Variants in CA12 observed in about 807,000 individuals in gnomAD.
CA12 encodes the protein carbonate dehydratase XII.
Under a neutral mutation model 46.8 loss-of-function variants are expected in CA12, and 36 were observed. The ratio of observed to expected loss-of-function variants is 0.77; its 90% confidence interval spans 0.59 to 1.02. The LOEUF (loss-of-function observed/expected upper bound fraction) is 1.02, where lower values mean the gene tolerates loss of function less well. CA12 is among the 50% of genes least tolerant of loss of function. The probability of loss-of-function intolerance (pLI) is 0.00; values close to 1 mark genes in which losing one functional copy is unlikely to be tolerated. For synonymous variants in CA12, 202 were observed against 187.0 expected (o/e 1.08, Z -0.65); for missense variants, 436 against 451.4 (o/e 0.97, Z 0.31).
In CA12 at chr15:63,345,358, C is replaced by A; in HGVS notation, c.429+119G>T. On this transcript the variant is annotated intron_variant, in intron 4 of 10. Transcript: ENST00000178638. The surrounding 1 kb of genome is among the most constrained non-coding windows in gnomAD (Gnocchi z 4.3). ...CCTTGTGCCAGGGCCAGAGGTGGGGCAGAGAGCCTGAAGGCAGCCTGTCCC... is the reference window on the plus strand; with the variant it reads ...CCTTGTGCCAGGGCCAGAGGTGGGGAAGAGAGCCTGAAGGCAGCCTGTCCC... The A allele has an allele frequency of 1.5e-6, 2 of 1,318,428 alleles. No homozygotes were observed. The highest frequency in any genetic ancestry group is 2.1e-6 in the Non-Finnish European group (2 of 947,762). The allele number at this position is 1,318,428 out of a possible 1,614,324, so 81.7% of individuals were successfully genotyped here.
chr15:63,349,624 G>T (rs920950156), intron 2 of CA12, among the ~76,000 whole-genome samples: 3 of 152,158 alleles, frequency 2.0e-5, no homozygotes, highest in African/African-American at 7.2e-5. Context: ...ACCATTTTAT[G>T]GGTGAAAAAT....
chr15:63,335,309 G>T (rs1271481708), intron 8 of CA12, among the ~76,000 whole-genome samples: 1 of 152,136 alleles, frequency 6.6e-6, no homozygotes, highest in East Asian at 1.9e-4. Flanking sequence ...CTTAAGGACA[G>T]AAATCAGGTC....
rs943653601 is a variant in CA12, at chr15:63,322,962, T to C, written c.*3323A>G. ...ATGCTTTTCTAAATAAGGCAAACAA[T>C]GATGGTACCTATTTTATAACCTTTA... On this transcript the variant is annotated 3_prime_UTR_variant, in exon 11 of 11. Transcript: ENST00000178638. The surrounding 1 kb of genome is among the most constrained non-coding windows in gnomAD (Gnocchi z 4.1). 1 of 152,250 alleles carries C rather than the reference T, an allele frequency of 6.6e-6. No individual in the cohort carries two copies. The highest frequency in any genetic ancestry group is 2.4e-5 in the African/African-American group (1 of 41,470). 9.4% of individuals were successfully genotyped at this position (152,250 alleles called of 1,614,324 possible).
chr15:63,337,651 T>G (rs1390385498), intron 8 of CA12, among the ~76,000 whole-genome samples: 2 of 152,154 alleles, frequency 1.3e-5, no homozygotes, highest in Non-Finnish European at 2.9e-5. Context: ...GAGACGTGGT[T>G]TCACCATGTT....
chr15:63,354,357 A>C (rs576367511), intron 2 of CA12, among the ~76,000 whole-genome samples: 2 of 152,350 alleles, frequency 1.3e-5, no homozygotes, highest in African/African-American at 4.8e-5. Context: ...TAGATCAATA[A>C]AAATAAACAC....
In CA12 at chr15:63,346,625, A is replaced by G. The variant is rs1567046272; in HGVS notation, c.191T>C (p.Ile64Thr). The change falls in exon 3 of 11, where the codon ATC becomes ACC. Residue 64 changes from isoleucine to threonine, a missense_variant. By Grantham distance (89) the Ile-to-Thr change is moderately conservative. Coordinates refer to ENST00000178638, the MANE Select transcript of CA12 (RefSeq NM_001218.5). ...LQSPIDLHSDILQYDASLTPL... is the reference protein window; with the variant it reads ...LQSPIDLHSDTLQYDASLTPL... ...CGTGAGGCTGGCGTCATACTGGAGG[A>G]TGTCACTGTGCAGGTCTATGGGGGA... 2 of 1,572,558 alleles carry G rather than the reference A, an allele frequency of 1.3e-6. No homozygotes were observed. Among genetic ancestry groups the G allele is most frequent in the Admixed American group, 1.7e-5 (1 of 58,582 alleles).
At position 63,372,385 on chromosome 15, in the gene CA12, G is replaced by A. The variant is rs1241276026; in HGVS notation, c.106+3273C>T. Reference sequence around the variant, plus strand: ...AAGAGGTGGCGCTGGCCCCATCTTGGCAGTCAGATGGTCCTCCTCTCTCCA... The same window carrying A: ...AAGAGGTGGCGCTGGCCCCATCTTGACAGTCAGATGGTCCTCCTCTCTCCA... On this transcript the variant is annotated intron_variant, in intron 2 of 10. Transcript: ENST00000178638. The surrounding 1 kb of genome is among the most constrained non-coding windows in gnomAD (Gnocchi z 4.5). Among the ~76,000 whole-genome samples the A allele has an allele frequency of 3.9e-5, 6 of 152,224 alleles. No individual in the cohort carries two copies. The highest frequency in any genetic ancestry group is 2.0e-4 in the Admixed American group (3 of 15,288).
chr15:63,352,213 G>A (rs1382963981), intron 2 of CA12, among the ~76,000 whole-genome samples: 2 of 152,080 alleles, frequency 1.3e-5, no homozygotes, highest in Non-Finnish European at 2.9e-5. Context: ...GTGCCTCCAC[G>A]CCCAGCTAAT....
chr15:63,344,202 GA>G (rs1409140961), intron 4 of CA12, among the ~76,000 whole-genome samples: 1 of 152,146 alleles, frequency 6.6e-6, no homozygotes. Flanking sequence ...TCTCACATGT[GA>G]ACGGCTGATC....
chr15:63,325,337 T>C lies in CA12; in HGVS notation c.*948A>G, dbSNP rs2038851563. On this transcript the variant is annotated 3_prime_UTR_variant, in exon 11 of 11. Transcript: ENST00000178638. This position sits in a 1 kb window ranked among gnomAD's most constrained non-coding sequence, Gnocchi z 4.9. ...AGATTCAAAGGCAGATTGGGTCATC[T>C]CGGAACTCATGTCTCCTCCAGGACA... is the stretch of plus-strand genomic sequence containing the variant. The C allele has an allele frequency of 6.6e-6, 1 of 152,218 alleles. No homozygotes were observed. Among genetic ancestry groups the C allele is most frequent in the Admixed American group, 6.5e-5 (1 of 15,278 alleles). 9.4% of individuals were successfully genotyped at this position (152,218 alleles called of 1,614,324 possible).
chr15:63,362,881 G>A (rs1018361897), intron 2 of CA12, among the ~76,000 whole-genome samples: 2 of 152,148 alleles, frequency 1.3e-5, no homozygotes, highest in Non-Finnish European at 2.9e-5. Context: ...CTAGAGATGC[G>A]TGAAGTATAG....
rs751127693 is a variant in CA12 at position 63,327,263 on chromosome 15, A to ATTCC, written c.908-34_908-31dup. The ATTCC allele has an allele frequency of 6.3e-7, 1 of 1,578,240 alleles. No individual in the cohort carries two copies. The highest frequency in any genetic ancestry group is 8.7e-7 in the Non-Finnish European group (1 of 1,149,700). On this transcript the variant is annotated intron_variant, in intron 9 of 10. Transcript: ENST00000178638. The surrounding 1 kb of genome is among the most constrained non-coding windows in gnomAD (Gnocchi z 4.5). ...TGAAGAGGTAGAGGGCACACATTAC[A>ATTCC]TTCCTTCCTTCCCCTCCATCTTAGC...
rs1018217924 is a variant in CA12 at position 63,330,419 on chromosome 15, G to A, written c.875-2289C>T. Among the ~76,000 whole-genome samples, 6 of 152,176 alleles carry A rather than the reference G, an allele frequency of 3.9e-5. No individual in the cohort carries two copies. Among genetic ancestry groups the A allele is most frequent in the Non-Finnish European group, 5.9e-5 (4 of 68,028 alleles). ...CAACCCTTTGATGAAATACACTCTC[G>A]TTCTTTGTTCCTGAAGCTCCAGATG... On this transcript the variant is annotated intron_variant, in intron 8 of 10. Coordinates refer to ENST00000178638, the MANE Select transcript of CA12 (RefSeq NM_001218.5). This position sits in a 1 kb window ranked among gnomAD's most constrained non-coding sequence, Gnocchi z 4.0.
intron 1 of CA12, among the ~76,000 whole-genome samples, chr15:63,379,847 C>A (rs901948226): frequency 2.0e-5 from 3 of 152,166 alleles, no homozygotes; most frequent in Non-Finnish European, 4.4e-5. Context: ...ACTGAAATGC[C>A]CCCCAAAGCC....
intron 2 of CA12, among the ~76,000 whole-genome samples, chr15:63,361,261 T>C (rs1157497356): frequency 2.0e-5 from 3 of 152,210 alleles, no homozygotes; most frequent in Non-Finnish European, 4.4e-5. Flanking sequence ...GATACAATAA[T>C]ACAAACTGGA....
At chr15:63,375,754 G>C in intron 1 of CA12, 76 bp from the exon 2 acceptor site, 2 of 1,052,318 alleles carry the variant, frequency 1.9e-6, no homozygotes, top group South Asian at 2.8e-5. Flanking sequence ...ATTTTGTTTT[G>C]ATATGAGCGA....
Position 63,345,524 on chromosome 15 carries a change from G to T in CA12, c.382C>A (p.Pro128Thr). ...LHLHWGNPND[P>T]HGSEHTVSGQ... is the part of the protein sequence containing the mutation. ...CTGACGGTGTGCTCAGAGCCGTGCG[G>T]GTCATTCGGGTTCCCCCAGTGCAGG... Residue 128 changes from proline to threonine, a missense_variant, in exon 4 of 11, where the codon CCG becomes ACG. Pro to Thr is a conservative substitution (Grantham distance 38). Coordinates refer to ENST00000178638, the MANE Select transcript of CA12 (RefSeq NM_001218.5). This position sits in a 1 kb window ranked among gnomAD's most constrained non-coding sequence, Gnocchi z 4.3. 6.2e-7 allele frequency: 1 copy of T among 1,612,604 alleles called. No homozygotes were observed.
intron 2 of CA12, chr15:63,375,429 TCA>T (rs1567056512): frequency 2.0e-6 from 1 of 502,018 alleles, no homozygotes; most frequent in Non-Finnish European, 3.6e-6. Context: ...ACACTATGAC[TCA>T]CAGTCCTGTG....
intron 8 of CA12, among the ~76,000 whole-genome samples, chr15:63,332,472 C>G (rs1469659740): frequency 6.6e-6 from 1 of 152,222 alleles, no homozygotes; most frequent in Non-Finnish European, 1.5e-5. Context: ...GCCTAAATCC[C>G]AGAGCCTCAG....
Sources: gnomAD v4.1 joint callset for allele counts (sites outside exome capture counted in the v4.1 genomes callset) on GRCh38, gnomAD v4.1.1 for gene constraint, Gnocchi (gnomAD v3.1) non-coding constraint, MANE v1.5 for transcripts, NCBI Gene and HGNC (gene_info 2026-07-23, HGNC 2026-07-21) for gene names.